HEMK2: variants seen among roughly 807,000 people sequenced by gnomAD.
The protein encoded by HEMK2 is HemK methyltransferase 2, ETF1 glutamine and histone H4 lysine.
chr21:28,607,492 A>T, the HEMK2 span, among the ~76,000 whole-genome samples: 770 of 152,338 alleles, frequency 5.1e-3, 10 homozygotes, highest in African/African-American at 0.017. Flanking sequence ...TCATCATTGC[A>T]GGCAGAGAAG....
the HEMK2 span, among the ~76,000 whole-genome samples, chr21:28,584,483 T>C: frequency 6.6e-6 from 1 of 152,214 alleles, no homozygotes; most frequent in Non-Finnish European, 1.5e-5. Flanking sequence ...TTTATAATAA[T>C]ATCTTAGATC....
chr21:28,748,640 A>G, the HEMK2 span, among the ~76,000 whole-genome samples: 3 of 152,230 alleles, frequency 2.0e-5, no homozygotes, highest in African/African-American at 4.8e-5. Flanking sequence ...CAAAGCATAC[A>G]TGAACAGGAA....
chr21:28,709,635 T>C, the HEMK2 span, among the ~76,000 whole-genome samples: 1 of 152,156 alleles, frequency 6.6e-6, no homozygotes, highest in Non-Finnish European at 1.5e-5. Context: ...AAAAAGATTC[T>C]AGCTTTTCCT....
the HEMK2 span, among the ~76,000 whole-genome samples, chr21:28,740,857 T>C: frequency 2.6e-5 from 4 of 152,150 alleles, no homozygotes; most frequent in Non-Finnish European, 5.9e-5. Flanking sequence ...ATATTCAGAA[T>C]TAGCTCCTGT....
the HEMK2 span, among the ~76,000 whole-genome samples, chr21:28,829,843 A>T: frequency 3.3e-5 from 5 of 152,210 alleles, no homozygotes; most frequent in Non-Finnish European, 7.3e-5. Context: ...AATTTCATTG[A>T]TACCCATTAT....
At chr21:28,834,322 A>AT in the HEMK2 span, among the ~76,000 whole-genome samples, 1 of 152,186 alleles carries the variant, frequency 6.6e-6, no homozygotes, top group East Asian at 1.9e-4. Context: ...GACCCCCCAA[A>AT]ACTGTGAGTG....
At chr21:28,705,516 T>C in the HEMK2 span, among the ~76,000 whole-genome samples, 1 of 152,208 alleles carries the variant, frequency 6.6e-6, no homozygotes, top group Non-Finnish European at 1.5e-5. Flanking sequence ...TTGGTTAATA[T>C]GTTAGCTGCA....
chr21:28,684,877 C>A, the HEMK2 span, among the ~76,000 whole-genome samples: 1 of 152,058 alleles, frequency 6.6e-6, no homozygotes. Flanking sequence ...TTCTAGTGGC[C>A]ACCAAAAAGA....
chr21:28,838,625 A>C, the HEMK2 span, among the ~76,000 whole-genome samples: 1 of 150,144 alleles, frequency 6.7e-6, no homozygotes, highest in Admixed American at 6.6e-5. Flanking sequence ...AATACGAACT[A>C]ACTGAATCCA....
the HEMK2 span, among the ~76,000 whole-genome samples, chr21:28,660,633 A>T: frequency 6.6e-6 from 1 of 151,854 alleles, no homozygotes; most frequent in African/African-American, 2.4e-5. Context: ...GGTGTAATAT[A>T]TTGTTATATT....
the HEMK2 span, among the ~76,000 whole-genome samples, chr21:28,672,775 A>G: frequency 3.3e-5 from 5 of 151,874 alleles, no homozygotes; most frequent in Admixed American, 2.6e-4. Context: ...CTCTCTTTCC[A>G]TTTTTCTTGA....
chr21:28,877,631 T>TAGGA, the HEMK2 span, among the ~76,000 whole-genome samples: 25,532 of 138,600 alleles, frequency 0.18, 2,256 homozygotes, highest in Middle Eastern at 0.26. Context: ...AAGAGAGAAA[T>TAGGA]AGGAAGGAAG....
the HEMK2 span, among the ~76,000 whole-genome samples, chr21:28,737,022 A>G: frequency 6.6e-6 from 1 of 152,220 alleles, no homozygotes; most frequent in Admixed American, 6.5e-5. Context: ...TAAACTCAGA[A>G]GTTAAAAGAG....
At chr21:28,815,757 A>G in the HEMK2 span, among the ~76,000 whole-genome samples, 1 of 152,204 alleles carries the variant, frequency 6.6e-6, no homozygotes, top group Admixed American at 6.5e-5. Context: ...AATGGCACCA[A>G]GTCCAACCAA....
At chr21:28,862,992 G>A in the HEMK2 span, among the ~76,000 whole-genome samples, 3 of 152,094 alleles carry the variant, frequency 2.0e-5, no homozygotes, top group Admixed American at 6.5e-5. Flanking sequence ...CAGCAGATGT[G>A]TATAGGCTCA....
chr21:28,789,973 G>C, the HEMK2 span, among the ~76,000 whole-genome samples: 1 of 152,094 alleles, frequency 6.6e-6, no homozygotes, highest in Non-Finnish European at 1.5e-5. Flanking sequence ...AACACCAACA[G>C]AGCATTGTAA....
chr21:28,661,174 T>C, the HEMK2 span, among the ~76,000 whole-genome samples: 1 of 152,128 alleles, frequency 6.6e-6, no homozygotes. Context: ...TGGCTTTGTA[T>C]TTTCTTCTAT....
At chr21:28,668,343 C>T in the HEMK2 span, among the ~76,000 whole-genome samples, 2 of 152,138 alleles carry the variant, frequency 1.3e-5, no homozygotes, top group Non-Finnish European at 2.9e-5. Context: ...TTGTTTGTCA[C>T]ACATGGATCT....
the HEMK2 span, among the ~76,000 whole-genome samples, chr21:28,684,240 T>C: frequency 2.6e-5 from 4 of 152,218 alleles, no homozygotes; most frequent in Non-Finnish European, 5.9e-5. Flanking sequence ...TCTGGCTTCT[T>C]CAGCCAAATG....
Sources: allele counts gnomAD v4.1 joint callset (sites outside exome capture counted in the v4.1 genomes callset), GRCh38; gene constraint gnomAD v4.1.1; transcripts MANE v1.5; gene names NCBI Gene and HGNC (gene_info 2026-07-23, HGNC 2026-07-21).